Variants in PARP10 observed in about 807,000 individuals in gnomAD.
PARP10 encodes the protein protein mono-ADP-ribosyltransferase PARP10.
In PARP10, 56 loss-of-function variants were observed where a neutral mutation model predicts 82.4. The ratio of observed to expected loss-of-function variants is 0.68; its 90% CI spans 0.55 to 0.85. The LOEUF (loss-of-function observed/expected upper bound fraction) is 0.85, where lower values mean the gene tolerates loss of function less well. PARP10 is among the 40% of genes least tolerant of loss of function. PARP10 has a pLI of 0.00. For synonymous variants in PARP10, 576 were observed against 601.1 expected, an observed-to-expected ratio of 0.96 and a Z score of 0.61; for missense variants, 1,227 against 1,379.4, an observed-to-expected ratio of 0.89 and a Z score of 1.75.
chr8:143,980,640 C>T (rs1037278305), intron 9 of PARP10, among the ~76,000 whole-genome samples: 30 of 151,950 alleles, frequency 2.0e-4, no homozygotes, highest in Non-Finnish European at 4.1e-4. Flanking sequence ...CAAGGAGATA[C>T]TCCCACTAAA....
chr8:143,977,413 G>T lies in PARP10; in HGVS notation c.*71C>A. 2.2e-6 allele frequency: 3 copies of T among 1,360,158 alleles called. No individual in the cohort carries two copies. The highest frequency in any genetic ancestry group is 3.0e-6 in the Non-Finnish European group (3 of 1,016,080). 84.3% of individuals were successfully genotyped at this position (1,360,158 alleles called of 1,614,324 possible). A position where few individuals can be genotyped will look rare whatever the true frequency, so the allele number is the denominator to read the frequency against. On this transcript the variant is annotated 3_prime_UTR_variant, in exon 11 of 11. Transcript: ENST00000313028. The stretch of plus-strand genomic sequence containing the variant: ...GGGACAGCTCAGGCGGCCACAGTTG[G>T]GGGCGGGGAGCATCAGCCTGTGCGG...
chr8:143,983,085 G>A lies in PARP10; in HGVS notation c.2423-20C>T, dbSNP rs368494904. On this transcript the variant is annotated intron_variant, in intron 8 of 10. Transcript: ENST00000313028. ...CCGCCACTGATGCATGGGGAAAAGCGGGGGGTCAGAGCCATGCCTGGGGCA... is the reference window on the plus strand; with the variant it reads ...CCGCCACTGATGCATGGGGAAAAGCAGGGGGTCAGAGCCATGCCTGGGGCA... The A allele has an allele frequency of 1.0e-4, 162 of 1,613,480 alleles. No individual in the cohort carries two copies. Among genetic ancestry groups the A allele is most frequent in the Middle Eastern group, 1.7e-4 (1 of 6,060 alleles).
intron 1 of PARP10, among the ~76,000 whole-genome samples, chr8:144,003,131 G>A (rs373257668): frequency 6.6e-6 from 1 of 152,154 alleles, no homozygotes; most frequent in Non-Finnish European, 1.5e-5. Flanking sequence ...ACTAAAAAAT[G>A]TTATGAAACA....
At chr8:143,995,103 C>A (rs141833481), upstream of PARP10, among the ~76,000 whole-genome samples, 80 of 152,222 alleles carry the variant, frequency 5.3e-4, no homozygotes, top group African/African-American at 1.9e-3. Context: ...AGGTGTGGGA[C>A]AGGGCCAGGG....
At position 143,984,629 on chromosome 8, in the gene PARP10, A is replaced by G; in HGVS notation, c.1373T>C (p.Leu458Pro). 1 of 1,614,064 alleles carries G rather than the reference A, an allele frequency of 6.2e-7. No individual in the cohort carries two copies. The highest frequency in any genetic ancestry group is 8.5e-7 in the Non-Finnish European group (1 of 1,179,958). Residue 458 changes from leucine (L) to proline (P), a missense_variant, in exon 5 of 11, where the codon CTG becomes CCG. Physicochemically the swap from Leu to Pro is moderately conservative, Grantham distance 98. Transcript: ENST00000313028. ...LLMEPGAMRF[L>P]QLYHEDLLAG... ...AAGAAGGTCCTCATGGTAGAGCTGC[A>G]GGAAGCGCATCGCCCCTGGCTCCAT... is the stretch of plus-strand genomic sequence containing the variant.
chr8:143,992,892 C>A, upstream of PARP10: 1 of 1,557,578 alleles, frequency 6.4e-7, no homozygotes, highest in South Asian at 1.1e-5. Flanking sequence ...GGCCTGGACC[C>A]TGCCCCTGGC....
At chr8:143,992,013 T>C (rs782052873), upstream of PARP10, 3 of 1,613,880 alleles carry the variant, frequency 1.9e-6, no homozygotes, top group Non-Finnish European at 2.5e-6. Context: ...CTTCTTCATC[T>C]CTCTCATCGT....
chr8:143,994,017 G>A (rs1834142107), upstream of PARP10, among the ~76,000 whole-genome samples: 1 of 152,214 alleles, frequency 6.6e-6, no homozygotes, highest in East Asian at 1.9e-4. Context: ...TGCTGCTCCT[G>A]CAGGGGGTCC....
chr8:143,999,644 T>C (rs1834186875), intron 1 of PARP10, among the ~76,000 whole-genome samples: 1 of 149,498 alleles, frequency 6.7e-6, no homozygotes, highest in Admixed American at 6.7e-5. Context: ...CAGACTCAAA[T>C]TGAGCTTCTT....
intron 5 of PARP10, 37 bp from the exon 6 acceptor site, chr8:143,984,468 A>C (rs782667500): frequency 6.3e-7 from 1 of 1,596,002 alleles, no homozygotes; most frequent in Admixed American, 1.7e-5. Context: ...TTGCAGGTTT[A>C]GAGCACAGGA....
chr8:143,989,071 C>T (rs1834047184), upstream of PARP10: 1 of 152,342 alleles, frequency 6.6e-6, no homozygotes, highest in Admixed American at 6.5e-5. This position sits in a 1 kb window ranked among gnomAD's most constrained non-coding sequence, Gnocchi z 4.3. Context: ...ACACGCACCC[C>T]AGGCTTCCCC....
rs781786000 is a variant in PARP10 at position 143,983,786 on chromosome 8, G to A, written c.1803C>T (p.Thr601=). The change falls in exon 8 of 11, where the codon ACC becomes ACT. Residue 601 remains threonine, a synonymous_variant. Coordinates refer to ENST00000313028, the MANE Select transcript of PARP10 (RefSeq NM_032789.5). ...CCCCGTCTAGGTCTAGGCCCTCCAG[G>A]GTGGCCAGCAGTTCTCGGACCTCCT... ...SLEEVRELLA[T]LEGLDLDGED... The A allele has an allele frequency of 6.1e-5, 98 of 1,599,380 alleles. 1 individual carries two copies. The South Asian group carries it at 7.7e-4, about 13-fold the overall frequency.
In PARP10 at chr8:143,984,285, C is replaced by T. The variant is rs782498235; in HGVS notation, c.1605G>A (p.Gly535=). The change falls in exon 6 of 11, where the codon GGG becomes GGA. Residue 535 remains glycine, a synonymous_variant. Coordinates refer to ENST00000313028, the MANE Select transcript of PARP10 (RefSeq NM_032789.5). ...LGPEGQHLLQ[G]LEAQFQCVFG... The stretch of plus-strand genomic sequence containing the variant: ...AGACACACTGGAACTGAGCCTCCAG[C>T]CCCTGGAGAAGGTGCTGCCCTTCTG... The T allele has an allele frequency of 3.7e-6, 6 of 1,614,084 alleles. No individual in the cohort carries two copies. Among genetic ancestry groups the T allele is most frequent in the East Asian group, 2.2e-5 (1 of 44,886 alleles).
chr8:143,994,068 C>T (rs1239191519), upstream of PARP10, among the ~76,000 whole-genome samples: 1 of 152,222 alleles, frequency 6.6e-6, no homozygotes. Context: ...CCCTGCTGAG[C>T]TCTCACACCC....
chr8:143,983,061 C>T lies in PARP10; in HGVS notation c.2427G>A (p.Ala809=), dbSNP rs1303098141. The T allele has an allele frequency of 2.1e-5, 34 of 1,613,816 alleles. No homozygotes were observed. In the Admixed American group the frequency reaches 4.3e-4, roughly 21 times the overall value. The change falls in exon 9 of 11, where the codon GCG becomes GCA. Residue 809 remains alanine (A), a synonymous_variant. Transcript: ENST00000313028. ...TCCAGGGCCCCTTCAGCGTCTGCCCCGCCACTGATGCATGGGGAAAAGCGG... is the reference window on the plus strand; with the variant it reads ...TCCAGGGCCCCTTCAGCGTCTGCCCTGCCACTGATGCATGGGGAAAAGCGG... ...FPLAASGPTL[A]GQTLKGPWNN...
Position 144,008,232 on chromosome 8 carries a change from C to T in PARP10, c.-80+4298G>A, listed in dbSNP as rs535578026. 7.2e-5 allele frequency among the ~76,000 whole-genome samples: 11 copies of T among 152,324 alleles called. No individual in the cohort carries two copies. The highest frequency in any genetic ancestry group is 2.6e-4 in the African/African-American group (11 of 41,584). ...CCTCTCAGCGCACCCAGCATGGAGG[C>T]AGCACGTTGGGGCCTGTCAGGTGGA... is the stretch of plus-strand genomic sequence containing the variant. On this transcript the variant is annotated intron_variant, in intron 1 of 3. Coordinates refer to the PARP10 transcript ENST00000530478. The surrounding 1 kb of genome is among the most constrained non-coding windows in gnomAD (Gnocchi z 4.0).
At position 143,985,444 on chromosome 8, in the gene PARP10, A is replaced by T; in HGVS notation, c.641T>A (p.Leu214Gln). 1 of 1,611,792 alleles carries T rather than the reference A, an allele frequency of 6.2e-7. No homozygotes were observed. The highest frequency in any genetic ancestry group is 8.5e-7 in the Non-Finnish European group (1 of 1,179,048). ...CTGCTGGAAGGAGGCAACAGTGCCC[A>T]GGGGCCCGGGTAGGCGTTGCAGGTC... The part of the protein sequence containing the change: ...LEDLQRLPGP[L>Q]GTVASFQQWQ... The change falls in exon 4 of 11, where the codon CTG becomes CAG. Residue 214 changes from leucine to glutamine, a missense_variant. Physicochemically the swap from Leu to Gln is moderately radical, Grantham distance 113 (BLOSUM62 -2). Coordinates refer to ENST00000313028, the MANE Select transcript of PARP10 (RefSeq NM_032789.5).
In PARP10 at chr8:143,977,308, C is replaced by T; in HGVS notation, c.*176G>A. ...GGGTCGGCCCAGGCTGGGACCTAGC[C>T]CGGCCCCCCTCGGCCGCTGCTGACC... On this transcript the variant is annotated 3_prime_UTR_variant, in exon 11 of 11. Coordinates refer to ENST00000313028, the MANE Select transcript of PARP10 (RefSeq NM_032789.5). 2 of 703,024 alleles carry T rather than the reference C, an allele frequency of 2.8e-6. No individual in the cohort carries two copies. Among genetic ancestry groups the T allele is most frequent in the Non-Finnish European group, 4.6e-6 (2 of 434,466 alleles). 43.5% of individuals were successfully genotyped at this position (703,024 alleles called of 1,614,324 possible). A position where few individuals can be genotyped will look rare whatever the true frequency, so the allele number is the denominator to read the frequency against.
At chr8:143,980,486 C>A (rs1239511906) in intron 9 of PARP10, among the ~76,000 whole-genome samples, 1 of 150,762 alleles carries the variant, frequency 6.6e-6, no homozygotes, top group African/African-American at 2.4e-5. Flanking sequence ...CATGCCACTG[C>A]ACTCTAGCCT....
Sources: gnomAD v4.1 joint callset for allele counts (sites outside exome capture counted in the v4.1 genomes callset) on GRCh38, gnomAD v4.1.1 for gene constraint, Gnocchi (gnomAD v3.1) non-coding constraint, MANE v1.5 for transcripts, NCBI Gene and HGNC (gene_info 2026-07-23, HGNC 2026-07-21) for gene names.